The following RBM20 variants were observed in gnomAD, a reference collection of about 807,000 sequenced individuals.
The protein encoded by RBM20 is RNA-binding protein 20.
RBM20 carries 51 observed loss-of-function variants against 110.1 expected under a neutral mutation model. That is an observed-to-expected ratio of 0.46 (90% CI 0.37 to 0.59). The LOEUF is 0.59. Ranked by LOEUF, RBM20 falls within the 20% of genes least tolerant of loss-of-function variation. The probability of loss-of-function intolerance (pLI) is 0.00; values close to 1 mark genes in which losing one functional copy is unlikely to be tolerated. For missense variants in RBM20, 1,512 were observed against 1,574.9 expected (o/e 0.96, Z 0.68); for synonymous variants, 589 against 618.2 (o/e 0.95, Z 0.70).
In RBM20 at chr10:110,698,130, G is replaced by A. The variant is rs185775511; in HGVS notation, c.191+53485G>A. On this transcript the variant is annotated intron_variant, in intron 1 of 13. Coordinates refer to ENST00000369519, the MANE Select transcript of RBM20 (RefSeq NM_001134363.3). Reference sequence around the variant, plus strand: ...TTACTGTGTTAGCCAGGATAGTCTCGATCTCCTGACCTCATGATCCGCCCA... The same window carrying A: ...TTACTGTGTTAGCCAGGATAGTCTCAATCTCCTGACCTCATGATCCGCCCA... 3.8e-3 allele frequency among the ~76,000 whole-genome samples: 575 copies of A among 152,074 alleles called. 4 individuals are homozygous for A. Among genetic ancestry groups the A allele is most frequent in the African/African-American group, 0.013 (538 of 41,492 alleles).
chr10:110,766,161 G>A (rs1844078977), intron 1 of RBM20, among the ~76,000 whole-genome samples: 1 of 152,184 alleles, frequency 6.6e-6, no homozygotes, highest in Admixed American at 6.5e-5. Context: ...CCTCAGCCAA[G>A]GCAGTTTTCA....
At chr10:110,726,359 C>G (rs569265333) in intron 1 of RBM20, among the ~76,000 whole-genome samples, 26 of 152,330 alleles carry the variant, frequency 1.7e-4, no homozygotes, top group African/African-American at 6.3e-4. Context: ...CCTATCCTCT[C>G]ATGGCATGGG....
chr10:110,802,799 GA>G (rs989720541), intron 7 of RBM20, among the ~76,000 whole-genome samples: 4 of 152,186 alleles, frequency 2.6e-5, no homozygotes, highest in African/African-American at 7.2e-5. Flanking sequence ...TCTGGTGGGA[GA>G]AAAAGCAAAT....
intron 1 of RBM20, among the ~76,000 whole-genome samples, chr10:110,672,858 T>A (rs1265002227): frequency 6.6e-6 from 1 of 152,226 alleles, no homozygotes; most frequent in African/African-American, 2.4e-5. Flanking sequence ...AATCAACTGA[T>A]ATTTGGAATA....
chr10:110,767,633 C>A (rs1270656848), intron 1 of RBM20, among the ~76,000 whole-genome samples: 1 of 151,910 alleles, frequency 6.6e-6, no homozygotes, highest in African/African-American at 2.4e-5. Context: ...GGCAGAGACG[C>A]TCCTCACCTC....
At position 110,739,249 on chromosome 10, in the gene RBM20, G is replaced by T. The variant is rs1043374156; in HGVS notation, c.192-41552G>T. Among the ~76,000 whole-genome samples, 4 of 152,176 alleles carry T rather than the reference G, an allele frequency of 2.6e-5. No individual in the cohort carries two copies. The highest frequency in any genetic ancestry group is 7.2e-5 in the African/African-American group (3 of 41,436). On this transcript the variant is annotated intron_variant, in intron 1 of 13. Coordinates refer to ENST00000369519, the MANE Select transcript of RBM20 (RefSeq NM_001134363.3). This position sits in a 1 kb window ranked among gnomAD's most constrained non-coding sequence, Gnocchi z 4.1. ...TGAAGTCATGCTGTGTTTTTAGGAA[G>T]ATATTTGAGCAGGAGATCATGAAAA...
chr10:110,831,566 C>T (rs781435119), intron 13 of RBM20: 10 of 157,586 alleles, frequency 6.3e-5, no homozygotes, highest in Non-Finnish European at 1.3e-4. Context: ...GCCAGTGTTC[C>T]TCTGGCCTGT....
chr10:110,697,730 C>T (rs1862686936), intron 1 of RBM20, among the ~76,000 whole-genome samples: 1 of 152,094 alleles, frequency 6.6e-6, no homozygotes, highest in Non-Finnish European at 1.5e-5. Flanking sequence ...GGTCCTCATC[C>T]TTCCCTCAAG....
chr10:110,825,149 T>G (rs1217750323), intron 12 of RBM20, among the ~76,000 whole-genome samples: 1 of 152,086 alleles, frequency 6.6e-6, no homozygotes, highest in Non-Finnish European at 1.5e-5. Context: ...GAGATGACCC[T>G]GGGTATTTTA....
At position 110,749,362 on chromosome 10, in the gene RBM20, T is replaced by C. The variant is rs552317467; in HGVS notation, c.192-31439T>C. On this transcript the variant is annotated intron_variant, in intron 1 of 13. Coordinates refer to ENST00000369519, the MANE Select transcript of RBM20 (RefSeq NM_001134363.3). Reference sequence around the variant, plus strand: ...CCGAACTACAGTAACCTATAGGAAATGTTATAGAAAAAAAGATACAGTTCA... The same window carrying C: ...CCGAACTACAGTAACCTATAGGAAACGTTATAGAAAAAAAGATACAGTTCA... Among the ~76,000 whole-genome samples the C allele has an allele frequency of 5.3e-5, 8 of 152,148 alleles. No homozygotes were observed. The South Asian group carries it at 1.7e-3, about 32-fold the overall frequency.
chr10:110,677,541 A>T (rs1179395082), intron 1 of RBM20, among the ~76,000 whole-genome samples: 1 of 152,208 alleles, frequency 6.6e-6, no homozygotes, highest in South Asian at 2.1e-4. Flanking sequence ...GATGGTCCCT[A>T]TCTCCTGACC....
intron 9 of RBM20, among the ~76,000 whole-genome samples, chr10:110,818,306 AAC>A: frequency 1.3e-5 from 2 of 151,240 alleles, no homozygotes; most frequent in Non-Finnish European, 1.5e-5. Context: ...AAAAAAAAAA[AAC>A]CAAAACGACA....
chr10:110,646,184 CT>C (rs552306752), intron 1 of RBM20, among the ~76,000 whole-genome samples: 67 of 152,274 alleles, frequency 4.4e-4, no homozygotes, highest in African/African-American at 1.6e-3. Context: ...TGTAATTACC[CT>C]GCACTTTTCT....
intron 1 of RBM20, among the ~76,000 whole-genome samples, chr10:110,647,184 G>A (rs1445989726): frequency 6.6e-6 from 1 of 152,122 alleles, no homozygotes; most frequent in Non-Finnish European, 1.5e-5. Context: ...ATCAGTTCCT[G>A]TTCACGTTAT....
intron 12 of RBM20, among the ~76,000 whole-genome samples, chr10:110,826,925 C>T (rs527889781): frequency 7.2e-5 from 11 of 152,236 alleles, no homozygotes; most frequent in Admixed American, 6.5e-5. Flanking sequence ...AGGAGTATTG[C>T]GTTGCATATA....
intron 1 of RBM20, among the ~76,000 whole-genome samples, chr10:110,671,541 AGTTACTGC>A (rs1862258149): frequency 6.6e-6 from 1 of 152,154 alleles, no homozygotes; most frequent in Non-Finnish European, 1.5e-5. Flanking sequence ...CCTGTGCCTC[AGTTACTGC>A]CTCTTTAAAG....
intron 1 of RBM20, among the ~76,000 whole-genome samples, chr10:110,657,535 T>C (rs2134817208): frequency 6.6e-6 from 1 of 152,364 alleles, no homozygotes; most frequent in Admixed American, 6.5e-5. Context: ...TAAGAGTCTT[T>C]GAAAATTCTG....
chr10:110,688,940 T>A (rs901269876), intron 1 of RBM20, among the ~76,000 whole-genome samples: 1 of 152,100 alleles, frequency 6.6e-6, no homozygotes, highest in Non-Finnish European at 1.5e-5. Context: ...TTTTTTTTTT[T>A]AATCTCCTTT....
chr10:110,722,613 A>G (rs150509686), intron 1 of RBM20, among the ~76,000 whole-genome samples: 9 of 152,338 alleles, frequency 5.9e-5, no homozygotes, highest in African/African-American at 2.2e-4. Flanking sequence ...ATATTAAAAC[A>G]TTACACATAA....
Sources: gnomAD v4.1 joint callset for allele counts (sites outside exome capture counted in the v4.1 genomes callset) on GRCh38, gnomAD v4.1.1 for gene constraint, Gnocchi (gnomAD v3.1) non-coding constraint, MANE v1.5 for transcripts, NCBI Gene and HGNC (gene_info 2026-07-23, HGNC 2026-07-21) for gene names.